SMYD3: variants seen among roughly 807,000 people sequenced by gnomAD.
SMYD3 encodes histone-lysine N-methyltransferase SMYD3.
In SMYD3, 36 loss-of-function variants were observed where a neutral mutation model predicts 57.7. That is an observed-to-expected ratio of 0.62 (90% CI 0.48 to 0.82). The LOEUF (loss-of-function observed/expected upper bound fraction) is 0.82. SMYD3 is among the 40% of genes least tolerant of loss of function. SMYD3 has a pLI of 0.00. For synonymous variants in SMYD3, 211 were observed against 195.0 expected (o/e 1.08, Z -0.68); for missense variants, 515 against 538.8 (o/e 0.96, Z 0.44).
At chr1:246,010,544 G>A (rs75591501) in intron 5 of SMYD3, among the ~76,000 whole-genome samples, 4,904 of 152,222 alleles carry the variant, frequency 0.032, 259 homozygotes, top group African/African-American at 0.11. Flanking sequence ...GTGTTTGCAG[G>A]AGAAATCTGA....
At chr1:246,261,579 T>A (rs551806730) in intron 5 of SMYD3, among the ~76,000 whole-genome samples, 1 of 152,180 alleles carries the variant, frequency 6.6e-6, no homozygotes, top group African/African-American at 2.4e-5. Flanking sequence ...GAAGTCAAAA[T>A]TTTTTAAATG....
intron 5 of SMYD3, among the ~76,000 whole-genome samples, chr1:246,247,290 T>A (rs1439029577): frequency 6.8e-6 from 1 of 146,000 alleles, no homozygotes; most frequent in Non-Finnish European, 1.5e-5. Context: ...ATCTCAAATT[T>A]TATGTGTTAT....
intron 5 of SMYD3, among the ~76,000 whole-genome samples, chr1:246,305,731 T>TA (rs2064967192): frequency 6.6e-6 from 1 of 152,110 alleles, no homozygotes; most frequent in South Asian, 2.1e-4. Context: ...CATGAAGGAA[T>TA]AAAAAAACAT....
chr1:246,179,717 A>G (rs2062502139), intron 5 of SMYD3, among the ~76,000 whole-genome samples: 1 of 152,226 alleles, frequency 6.6e-6, no homozygotes, highest in South Asian at 2.1e-4. Context: ...AACCTTGAGT[A>G]TATGAAGGGA....
At chr1:245,856,159 C>T (rs1255910400) in intron 10 of SMYD3, among the ~76,000 whole-genome samples, 2 of 152,230 alleles carry the variant, frequency 1.3e-5, no homozygotes, top group Non-Finnish European at 2.9e-5. Flanking sequence ...TATTTGCATA[C>T]ATTCCTTATT....
intron 5 of SMYD3, among the ~76,000 whole-genome samples, chr1:246,067,031 T>C (rs1370900724): frequency 6.6e-6 from 1 of 152,202 alleles, no homozygotes; most frequent in Non-Finnish European, 1.5e-5. Flanking sequence ...AGATAGTCAA[T>C]AAAAGTAAAA....
intron 10 of SMYD3, among the ~76,000 whole-genome samples, chr1:245,828,631 T>C (rs1408277268): frequency 6.6e-6 from 1 of 152,192 alleles, no homozygotes; most frequent in Non-Finnish European, 1.5e-5. Context: ...CCCAGTAAGA[T>C]GTAAATCTTT....
At chr1:246,117,483 T>C (rs893162884) in intron 5 of SMYD3, among the ~76,000 whole-genome samples, 3 of 152,236 alleles carry the variant, frequency 2.0e-5, no homozygotes, top group Admixed American at 6.5e-5. Flanking sequence ...TCTCATTTTT[T>C]AAAAGCATTT....
rs563087547 is a variant in SMYD3 at position 245,982,126 on chromosome 1, T to C, written c.532-52189A>G. Among the ~76,000 whole-genome samples the C allele has an allele frequency of 5.9e-5, 9 of 152,150 alleles. No homozygotes were observed. The South Asian group carries it at 1.3e-3, about 21-fold the overall frequency. On this transcript the variant is annotated intron_variant, in intron 5 of 11. Transcript: ENST00000490107. ...GAGGTGGGAGTTTTAATAGCACAGC[T>C]GTAATAGAATCACATTTCGAGTTTT...
At chr1:246,307,192 T>C (rs979995632) in intron 5 of SMYD3, among the ~76,000 whole-genome samples, 1 of 152,180 alleles carries the variant, frequency 6.6e-6, no homozygotes, top group African/African-American at 2.4e-5. Context: ...TCCTTTTATA[T>C]ATTGGCCACC....
At chr1:246,426,576 G>C (rs1296201700) in intron 1 of SMYD3, among the ~76,000 whole-genome samples, 1 of 152,132 alleles carries the variant, frequency 6.6e-6, no homozygotes, top group Non-Finnish European at 1.5e-5. Flanking sequence ...ATTGAGTAAG[G>C]TTTTATCATT....
At position 246,104,609 on chromosome 1, in the gene SMYD3, C is replaced by T. The variant is rs538269551; in HGVS notation, c.532-174672G>A. ...GCAGGCTGGTCATGTTGCAATAGGA[C>T]GATATTCGTCTGGGACAGACTGGAA... On this transcript the variant is annotated intron_variant, in intron 5 of 11. Coordinates refer to ENST00000490107, the MANE Select transcript of SMYD3 (RefSeq NM_001167740.2). Among the ~76,000 whole-genome samples, 14 of 151,978 alleles carry T rather than the reference C, an allele frequency of 9.2e-5. No individual in the cohort carries two copies. In the East Asian group the frequency reaches 9.7e-4, roughly 11 times the overall value.
chr1:245,805,336 A>C (rs1299763577), intron 10 of SMYD3, among the ~76,000 whole-genome samples: 1 of 152,256 alleles, frequency 6.6e-6, no homozygotes, highest in African/African-American at 2.4e-5. Context: ...AAATTGCACA[A>C]GCCAAGACCT....
chr1:246,402,619 G>A (rs765424698), intron 1 of SMYD3, among the ~76,000 whole-genome samples: 5 of 152,156 alleles, frequency 3.3e-5, no homozygotes, highest in South Asian at 4.1e-4. Context: ...ACTGTGTGAA[G>A]TAATAAAGCT....
chr1:246,214,530 G>T (rs544457201), intron 5 of SMYD3, among the ~76,000 whole-genome samples: 10 of 152,232 alleles, frequency 6.6e-5, no homozygotes, highest in African/African-American at 2.4e-4. Flanking sequence ...TGAAGGAATT[G>T]TTTAAAATAA....
At chr1:245,868,419 T>A (rs755986068) in intron 8 of SMYD3, among the ~76,000 whole-genome samples, 1 of 152,178 alleles carries the variant, frequency 6.6e-6, no homozygotes, top group Non-Finnish European at 1.5e-5. Context: ...CTCTATCTAG[T>A]ACTAGCAATT....
At chr1:245,806,824 G>C (rs865942169) in intron 10 of SMYD3, among the ~76,000 whole-genome samples, 1 of 147,540 alleles carries the variant, frequency 6.8e-6, no homozygotes, top group African/African-American at 2.5e-5. Flanking sequence ...GCAGGAGAAT[G>C]GCGTGAACCC....
At chr1:245,848,212 C>G (rs2050763953) in intron 10 of SMYD3, among the ~76,000 whole-genome samples, 1 of 151,982 alleles carries the variant, frequency 6.6e-6, no homozygotes, top group South Asian at 2.1e-4. Context: ...GTGATCCTTC[C>G]TTCCACCTCA....
chr1:246,235,390 G>A (rs2063498276), intron 5 of SMYD3, among the ~76,000 whole-genome samples: 1 of 152,154 alleles, frequency 6.6e-6, no homozygotes, highest in African/African-American at 2.4e-5. Context: ...TTGCAAAAGT[G>A]TTATTCATTG....
Sources: allele counts gnomAD v4.1 joint callset (sites outside exome capture counted in the v4.1 genomes callset), GRCh38; gene constraint gnomAD v4.1.1; transcripts MANE v1.5; gene names NCBI Gene and HGNC (gene_info 2026-07-23, HGNC 2026-07-21).